OR5AN1: variants seen among roughly 807,000 people sequenced by gnomAD.
The protein encoded by OR5AN1 is olfactory receptor family 5 subfamily AN member 1.
For missense variants in OR5AN1, 476 were observed against 368.9 expected (o/e 1.29, Z -2.38); for synonymous variants, 167 against 131.8 (o/e 1.27, Z -1.83).
rs1161507177 is a variant in OR5AN1 at position 59,364,944 on chromosome 11, T to A, written c.486T>A (p.Gly162=). 6.2e-7 allele frequency: 1 copy of A among 1,614,122 alleles called. No homozygotes were observed. Among genetic ancestry groups the A allele is most frequent in the South Asian group, 1.1e-5 (1 of 91,088 alleles). The change falls in exon 2 of 2, where the codon GGT becomes GGA. Residue 162 remains glycine, a synonymous_variant. Coordinates refer to ENST00000641998, the MANE Select transcript of OR5AN1 (RefSeq NM_001004729.2). ...TGLTASLFQI[G]ALLQLHFCGS... is the part of the protein sequence containing the mutation. ...TCACTGCTTCTTTATTCCAAATTGG[T>A]GCTTTGCTTCAACTCCACTTCTGTG... is the stretch of plus-strand genomic sequence containing the variant.
intron 1 of OR5AN1, among the ~76,000 whole-genome samples, chr11:59,363,440 C>T (rs559286062): frequency 6.6e-5 from 10 of 152,260 alleles, no homozygotes; most frequent in African/African-American, 2.4e-4. Context: ...ATAGTTGGGG[C>T]CAAGAGTGAG....
At position 59,369,729 on chromosome 11, in the gene OR5AN1, A is replaced by C. The variant is rs1857573328; in HGVS notation, c.*4335A>C. 1 of 152,258 alleles carries C rather than the reference A, an allele frequency of 6.6e-6. No homozygotes were observed. The highest frequency in any genetic ancestry group is 1.5e-5 in the Non-Finnish European group (1 of 68,040). 9.4% of individuals were successfully genotyped at this position (152,258 alleles called of 1,614,324 possible). On this transcript the variant is annotated 3_prime_UTR_variant, in exon 2 of 2. Transcript: ENST00000641998. ...CCATGAAAATATCCCCAACCTTGCTAGAGAGGACAACAGTCAAATTCAGTA... is the reference window on the plus strand; with the variant it reads ...CCATGAAAATATCCCCAACCTTGCTCGAGAGGACAACAGTCAAATTCAGTA...
rs1489551393 is a variant in OR5AN1 at position 59,365,473 on chromosome 11, T to C, written c.*79T>C. 6 of 853,566 alleles carry C rather than the reference T, an allele frequency of 7.0e-6. No homozygotes were observed. The highest frequency in any genetic ancestry group is 1.1e-5 in the Non-Finnish European group (6 of 559,492). 52.9% of individuals were successfully genotyped at this position (853,566 alleles called of 1,614,324 possible). On this transcript the variant is annotated 3_prime_UTR_variant, in exon 2 of 2. Coordinates refer to ENST00000641998, the MANE Select transcript of OR5AN1 (RefSeq NM_001004729.2). ...CCACAAAATATGATAATGAATGGAC[T>C]ATAACAAAATTCATGCTGCCTACTG...
At chr11:59,361,313 G>C (rs1251319390) in intron 1 of OR5AN1, among the ~76,000 whole-genome samples, 1 of 151,972 alleles carries the variant, frequency 6.6e-6, no homozygotes, top group Non-Finnish European at 1.5e-5. Context: ...GAGGAGTCTC[G>C]CTCTGTTGCC....
chr11:59,362,273 G>A (rs71486444), intron 1 of OR5AN1, among the ~76,000 whole-genome samples: 3,344 of 151,908 alleles, frequency 0.022, 48 homozygotes, highest in Non-Finnish European at 0.035. Flanking sequence ...TTTTTCTGCC[G>A]TAACCAAGTT....
At chr11:59,362,960 C>G (rs1857479967) in intron 1 of OR5AN1, among the ~76,000 whole-genome samples, 2 of 152,188 alleles carry the variant, frequency 1.3e-5, no homozygotes, top group Non-Finnish European at 2.9e-5. Flanking sequence ...GAAAAAATGG[C>G]TTATATCATT....
chr11:59,360,078 A>G (rs1026768983), intron 1 of OR5AN1: 1 of 152,212 alleles, frequency 6.6e-6, no homozygotes, highest in Non-Finnish European at 1.5e-5. Flanking sequence ...TCTCTAGCTT[A>G]TCAAATGTCA....
Position 59,369,392 on chromosome 11 carries a change from G to C in OR5AN1, c.*3998G>C, listed in dbSNP as rs1284991056. On this transcript the variant is annotated 3_prime_UTR_variant, in exon 2 of 2. Coordinates refer to ENST00000641998, the MANE Select transcript of OR5AN1 (RefSeq NM_001004729.2). ...AGAATCACAATAAAGTGACACAGAA[G>C]CTGAAAGAAAAATAGCCAGTATAAA... The C allele has an allele frequency of 6.6e-6, 1 of 152,132 alleles. No individual in the cohort carries two copies. Among genetic ancestry groups the C allele is most frequent in the Non-Finnish European group, 1.5e-5 (1 of 68,022 alleles). The allele number at this position is 152,132 out of a possible 1,614,324, so 9.4% of individuals were successfully genotyped here.
chr11:59,364,940 T>C lies in OR5AN1; in HGVS notation c.482T>C (p.Ile161Thr), dbSNP rs746152727. Residue 161 changes from isoleucine to threonine, a missense_variant, in exon 2 of 2, where the codon ATT (isoleucine) becomes ACT (threonine). By Grantham distance (89) the Ile-to-Thr change is moderately conservative (BLOSUM62 -1). Transcript: ENST00000641998. ...MTGLTASLFQ[I>T]GALLQLHFCG... is the part of the protein sequence containing the mutation. ...GGCCTCACTGCTTCTTTATTCCAAA[T>C]TGGTGCTTTGCTTCAACTCCACTTC... is the stretch of plus-strand genomic sequence containing the variant. 2.5e-6 allele frequency: 4 copies of C among 1,614,024 alleles called. No homozygotes were observed. Among genetic ancestry groups the C allele is most frequent in the Admixed American group, 3.3e-5 (2 of 59,986 alleles).
chr11:59,364,608 A>G lies in OR5AN1; in HGVS notation c.150A>G (p.Ile50Met). 1 of 1,614,016 alleles carries G rather than the reference A, an allele frequency of 6.2e-7. No homozygotes were observed. Among genetic ancestry groups the G allele is most frequent in the Non-Finnish European group, 8.5e-7 (1 of 1,179,926 alleles). ...GGAACCTCTCCCTCATTGTTTTAAT[A>G]AGGATGGATTCCCACCTCCATACAC... Reference protein sequence around the residue: ...LAWNLSLIVLIRMDSHLHTPM... With the variant: ...LAWNLSLIVLMRMDSHLHTPM... Residue 50 changes from isoleucine to methionine, a missense_variant, in exon 2 of 2, where the codon ATA becomes ATG. Physicochemically the swap from Ile to Met is conservative, Grantham distance 10. Coordinates refer to ENST00000641998, the MANE Select transcript of OR5AN1 (RefSeq NM_001004729.2).
intron 1 of OR5AN1, among the ~76,000 whole-genome samples, chr11:59,361,763 C>A (rs1256314935): frequency 6.6e-6 from 1 of 152,180 alleles, no homozygotes; most frequent in South Asian, 2.1e-4. Context: ...CATTCTATCT[C>A]TTTCTCCCCC....
At position 59,367,436 on chromosome 11, in the gene OR5AN1, G is replaced by T. The variant is rs1857546879; in HGVS notation, c.*2042G>T. 6.6e-6 allele frequency: 1 copy of T among 152,262 alleles called. No individual in the cohort carries two copies. The highest frequency in any genetic ancestry group is 2.4e-5 in the African/African-American group (1 of 41,442). 9.4% of individuals were successfully genotyped at this position (152,262 alleles called of 1,614,324 possible). A position where few individuals can be genotyped will look rare whatever the true frequency, so the allele number is the denominator to read the frequency against. On this transcript the variant is annotated 3_prime_UTR_variant, in exon 2 of 2. Transcript: ENST00000641998. ...AGCTGCAGCCCCAGCAAAGTTGGAG[G>T]TTAGACTCCTGTATATAACCCTAGG... is the stretch of plus-strand genomic sequence containing the variant.
chr11:59,359,266 A>T lies in OR5AN1; in HGVS notation c.-20A>T, dbSNP rs1370866236. 1 of 152,144 alleles carries T rather than the reference A, an allele frequency of 6.6e-6. No individual in the cohort carries two copies. The highest frequency in any genetic ancestry group is 1.5e-5 in the Non-Finnish European group (1 of 68,020). The allele number at this position is 152,144 out of a possible 1,614,324, so 9.4% of individuals were successfully genotyped here. A position where few individuals can be genotyped will look rare whatever the true frequency, so the allele number is the denominator to read the frequency against. ...TAAAAAGAAAAACCTCAAACATAAA[A>T]TTTCAGGTATTATTCTGGAGTGAGG... On this transcript the variant is annotated 5_prime_UTR_variant, in exon 1 of 2. Coordinates refer to ENST00000641998, the MANE Select transcript of OR5AN1 (RefSeq NM_001004729.2).
At chr11:59,364,154 C>T (rs1857495963) in intron 1 of OR5AN1, among the ~76,000 whole-genome samples, 2 of 152,124 alleles carry the variant, frequency 1.3e-5, no homozygotes, top group South Asian at 4.1e-4. Context: ...TGATCTTTAC[C>T]TTATACGTAA....
rs746523515 is a variant in OR5AN1, at chr11:59,365,134, A to G, written c.676A>G (p.Ile226Val). ...ATCCTATGGCTATATTGGCATCTCC[A>G]TCATGAAGATCACTTCAGCTAAAGG... is the stretch of plus-strand genomic sequence containing the variant. ...MISYGYIGISIMKITSAKGRS... is the reference protein window; with the variant it reads ...MISYGYIGISVMKITSAKGRS... The change falls in exon 2 of 2, where the codon ATC becomes GTC. Residue 226 changes from isoleucine (I) to valine (V), a missense_variant. Physicochemically the swap from Ile to Val is conservative, Grantham distance 29. Coordinates refer to ENST00000641998, the MANE Select transcript of OR5AN1 (RefSeq NM_001004729.2). The G allele has an allele frequency of 2.0e-4, 319 of 1,614,018 alleles. No homozygotes were observed. Among genetic ancestry groups the G allele is most frequent in the Non-Finnish European group, 2.6e-4 (311 of 1,180,010 alleles).
rs1014683409 is a variant in OR5AN1 at position 59,365,846 on chromosome 11, G to A, written c.*452G>A. Reference sequence around the variant, plus strand: ...TAATAAAGACATGGTGGTAACCATTGTTTATTCTGTGTTTCTGGATGGGAA... The same window carrying A: ...TAATAAAGACATGGTGGTAACCATTATTTATTCTGTGTTTCTGGATGGGAA... On this transcript the variant is annotated 3_prime_UTR_variant, in exon 2 of 2. Coordinates refer to ENST00000641998, the MANE Select transcript of OR5AN1 (RefSeq NM_001004729.2). The A allele has an allele frequency of 6.5e-6, 1 of 153,744 alleles. No individual in the cohort carries two copies. The highest frequency in any genetic ancestry group is 2.4e-5 in the African/African-American group (1 of 41,446). 9.5% of individuals were successfully genotyped at this position (153,744 alleles called of 1,614,324 possible). A position where few individuals can be genotyped will look rare whatever the true frequency, so the allele number is the denominator to read the frequency against.
intron 1 of OR5AN1, among the ~76,000 whole-genome samples, chr11:59,361,892 A>G (rs887805266): frequency 3.3e-5 from 5 of 152,140 alleles, no homozygotes; most frequent in African/African-American, 9.7e-5. Context: ...ACAAGAGAAT[A>G]CAGATAAGTA....
chr11:59,365,235 C>A lies in OR5AN1; in HGVS notation c.777C>A (p.Val259=). 1.2e-6 allele frequency: 2 copies of A among 1,614,070 alleles called. No homozygotes were observed. Among genetic ancestry groups the A allele is most frequent in the Non-Finnish European group, 1.7e-6 (2 of 1,179,984 alleles). The part of the protein sequence containing the change: ...VSLFYTSGIF[V]YLSSSSGGSS... The stretch of plus-strand genomic sequence containing the variant: ...TCTTCTATACATCAGGAATCTTTGT[C>A]TATTTGAGTTCCAGCTCTGGAGGTT... Residue 259 remains valine, a synonymous_variant, in exon 2 of 2, where the codon GTC becomes GTA. Coordinates refer to ENST00000641998, the MANE Select transcript of OR5AN1 (RefSeq NM_001004729.2).
At position 59,366,319 on chromosome 11, in the gene OR5AN1, G is replaced by T. The variant is rs1857533563; in HGVS notation, c.*925G>T. The T allele has an allele frequency of 6.6e-6, 1 of 152,026 alleles. No individual in the cohort carries two copies. Among genetic ancestry groups the T allele is most frequent in the Non-Finnish European group, 1.5e-5 (1 of 68,028 alleles). 9.4% of individuals were successfully genotyped at this position (152,026 alleles called of 1,614,324 possible). Reference sequence around the variant, plus strand: ...TCCAGGAGAGGATGAAAGAAACATGGGTCAAATATATTTCAGTCAAGCTCA... The same window carrying T: ...TCCAGGAGAGGATGAAAGAAACATGTGTCAAATATATTTCAGTCAAGCTCA... On this transcript the variant is annotated 3_prime_UTR_variant, in exon 2 of 2. Transcript: ENST00000641998.
Sources: allele counts gnomAD v4.1 joint callset (sites outside exome capture counted in the v4.1 genomes callset), GRCh38; gene constraint gnomAD v4.1.1; transcripts MANE v1.5; gene names NCBI Gene and HGNC (gene_info 2026-07-23, HGNC 2026-07-21).